The following PPM1H variants were observed in gnomAD, a reference collection of about 807,000 sequenced individuals.
PPM1H encodes the protein protein phosphatase 1H.
Under a neutral mutation model 54.9 loss-of-function variants are expected in PPM1H, and 27 were observed. That is an observed-to-expected ratio of 0.49 (90% confidence interval 0.36 to 0.68). The LOEUF is 0.68. PPM1H is among the 30% of genes least tolerant of loss of function. The pLI is 0.00. For synonymous variants in PPM1H, 305 were observed against 270.8 expected, an observed-to-expected ratio of 1.13 and a Z score of -1.24; for missense variants, 596 against 667.8, an observed-to-expected ratio of 0.89 and a Z score of 1.19.
At chr12:62,821,879 T>G (rs538352722) in intron 2 of PPM1H, among the ~76,000 whole-genome samples, 1 of 152,234 alleles carries the variant, frequency 6.6e-6, no homozygotes, top group South Asian at 2.1e-4. Context: ...CCAGCTAACA[T>G]CCTAATGACA....
chr12:62,681,249 C>G (rs2076017552), intron 8 of PPM1H, among the ~76,000 whole-genome samples: 1 of 152,310 alleles, frequency 6.6e-6, no homozygotes, highest in East Asian at 1.9e-4. Context: ...ACAAGTACCA[C>G]CATTCTTCCT....
chr12:62,753,657 C>T (rs1418445576), intron 4 of PPM1H, among the ~76,000 whole-genome samples: 1 of 152,232 alleles, frequency 6.6e-6, no homozygotes, highest in East Asian at 1.9e-4. Context: ...CATGACAGAC[C>T]ATCTCTCTCT....
At chr12:62,833,390 TCA>T (rs1038024451) in intron 1 of PPM1H, among the ~76,000 whole-genome samples, 1 of 152,198 alleles carries the variant, frequency 6.6e-6, no homozygotes, top group African/African-American at 2.4e-5. Context: ...AATTATAGGC[TCA>T]GAGTAAATTG....
chr12:62,809,674 G>A (rs2076823898), intron 2 of PPM1H, among the ~76,000 whole-genome samples: 1 of 152,172 alleles, frequency 6.6e-6, no homozygotes, highest in African/African-American at 2.4e-5. Flanking sequence ...CACATGTATT[G>A]CTTCACTGCT....
intron 9 of PPM1H, among the ~76,000 whole-genome samples, chr12:62,659,740 A>G (rs1271408402): frequency 6.6e-6 from 1 of 152,144 alleles, no homozygotes; most frequent in East Asian, 1.9e-4. Flanking sequence ...CTTCCTTTCT[A>G]GACAAAACTG....
At chr12:62,660,640 C>G (rs749600103) in intron 9 of PPM1H, among the ~76,000 whole-genome samples, 1 of 152,024 alleles carries the variant, frequency 6.6e-6, no homozygotes, top group African/African-American at 2.4e-5. Flanking sequence ...TATCCACATG[C>G]AGAAAAAGGA....
intron 1 of PPM1H, among the ~76,000 whole-genome samples, chr12:62,846,776 T>A (rs1440421042): frequency 1.3e-5 from 2 of 152,210 alleles, no homozygotes; most frequent in African/African-American, 4.8e-5. Flanking sequence ...AAGGCTATTT[T>A]GCATGCACTT....
At chr12:62,839,800 G>A (rs1592628130) in intron 1 of PPM1H, among the ~76,000 whole-genome samples, 1 of 151,740 alleles carries the variant, frequency 6.6e-6, no homozygotes, top group East Asian at 1.9e-4. Flanking sequence ...CACTTTGGGA[G>A]GCCAAAGCAG....
chr12:62,649,259 G>A lies in PPM1H; in HGVS notation c.1398-623C>T, dbSNP rs149927550. Reference sequence around the variant, plus strand: ...GTAAATGACTGATAAGCCTTGGTGTGAGTGAGCTGCTTACTTGTCAGCGTC... The same window carrying A: ...GTAAATGACTGATAAGCCTTGGTGTAAGTGAGCTGCTTACTTGTCAGCGTC... On this transcript the variant is annotated intron_variant, in intron 9 of 9. Transcript: ENST00000228705. Among the ~76,000 whole-genome samples, 46 of 150,396 alleles carry A rather than the reference G, an allele frequency of 3.1e-4. No homozygotes were observed. The East Asian group carries it at 8.2e-3, about 27-fold the overall frequency.
chr12:62,650,245 G>A (rs1292589087), intron 9 of PPM1H, among the ~76,000 whole-genome samples: 6 of 152,226 alleles, frequency 3.9e-5, no homozygotes, highest in Admixed American at 3.3e-4. Context: ...ATAGCAGACA[G>A]AAGTGTAACA....
chr12:62,924,208 C>T (rs1274555329), intron 1 of PPM1H, among the ~76,000 whole-genome samples: 3 of 151,896 alleles, frequency 2.0e-5, no homozygotes, highest in Admixed American at 6.6e-5. Context: ...AACTGAGGCC[C>T]AGAGTGGGGG....
chr12:62,667,089 G>T, intron 9 of PPM1H, 89 bp downstream of exon 9: 1 of 1,401,766 alleles, frequency 7.1e-7, no homozygotes, highest in Admixed American at 2.1e-5. Flanking sequence ...TCTAAGTCAT[G>T]AATTATGAAA....
chr12:62,735,998 G>C (rs2076347631), intron 5 of PPM1H, among the ~76,000 whole-genome samples: 1 of 152,314 alleles, frequency 6.6e-6, no homozygotes, highest in Middle Eastern at 3.4e-3. Flanking sequence ...GTGGGCAGGG[G>C]CCAGGATTCC....
At chr12:62,730,168 C>T (rs956056676) in intron 5 of PPM1H, among the ~76,000 whole-genome samples, 2 of 152,100 alleles carry the variant, frequency 1.3e-5, no homozygotes, top group Non-Finnish European at 2.9e-5. Flanking sequence ...ACTCTCTTTT[C>T]GGACTCAGCC....
At chr12:62,807,590 C>G (rs1380646831) in intron 2 of PPM1H, among the ~76,000 whole-genome samples, 1 of 150,842 alleles carries the variant, frequency 6.6e-6, no homozygotes, top group Non-Finnish European at 1.5e-5. Flanking sequence ...GTCCCTTTTG[C>G]TTAACATTTC....
intron 1 of PPM1H, among the ~76,000 whole-genome samples, chr12:62,861,540 C>T (rs951353507): frequency 6.6e-6 from 1 of 152,174 alleles, no homozygotes. Flanking sequence ...GCTTTCTCCT[C>T]GTCAGACACA....
chr12:62,816,338 C>T (rs1487927526), intron 2 of PPM1H, among the ~76,000 whole-genome samples: 1 of 152,180 alleles, frequency 6.6e-6, no homozygotes, highest in Non-Finnish European at 1.5e-5. Context: ...CTGGAAAATG[C>T]TCTGAAATCC....
At chr12:62,867,743 ATT>A (rs5798662) in intron 1 of PPM1H, among the ~76,000 whole-genome samples, 56 of 145,932 alleles carry the variant, frequency 3.8e-4, no homozygotes, top group Non-Finnish European at 4.7e-4. Context: ...ACACCTGGCT[ATT>A]TTTTTTTTTT....
chr12:62,798,888 A>C (rs1054838582), intron 3 of PPM1H, among the ~76,000 whole-genome samples: 4 of 151,992 alleles, frequency 2.6e-5, no homozygotes, highest in East Asian at 1.9e-4. Flanking sequence ...ACACCCCAGC[A>C]TCACCTCCCC....
Sources: gnomAD v4.1 joint callset for allele counts (sites outside exome capture counted in the v4.1 genomes callset) on GRCh38, gnomAD v4.1.1 for gene constraint, MANE v1.5 for transcripts, NCBI Gene and HGNC (gene_info 2026-07-23, HGNC 2026-07-21) for gene names.